The following KCND3 variants were observed in gnomAD, a reference collection of about 807,000 sequenced individuals.
The protein encoded by KCND3 is A-type voltage-gated potassium channel KCND3.
A neutral mutation model predicts 51.1 loss-of-function variants in KCND3; 9 were observed. The ratio of observed to expected loss-of-function variants is 0.18; its 90% CI spans 0.11 to 0.31. The LOEUF (loss-of-function observed/expected upper bound fraction) is 0.31. KCND3 is among the 10% of genes least tolerant of loss of function. The pLI, the probability that KCND3 is intolerant of heterozygous loss-of-function variation, is 1.00. For synonymous variants in KCND3, 349 were observed against 368.0 expected (o/e 0.95, Z 0.59); for missense variants, 526 against 903.8 (o/e 0.58, Z 5.36).
At chr1:111,818,578 C>A (rs1326024120) in intron 2 of KCND3, among the ~76,000 whole-genome samples, 3 of 152,204 alleles carry the variant, frequency 2.0e-5, no homozygotes, top group African/African-American at 7.2e-5. Flanking sequence ...CCTTAGAGAC[C>A]AGGCAATGAA....
Position 111,780,111 on chromosome 1 carries a change from T to C in KCND3, c.1461+114A>G. 2.6e-6 allele frequency: 3 copies of C among 1,150,420 alleles called. No individual in the cohort carries two copies. The South Asian group carries it at 4.0e-5, about 15-fold the overall frequency. The allele number at this position is 1,150,420 out of a possible 1,614,324, so 71.3% of individuals were successfully genotyped here. On this transcript the variant is annotated intron_variant, in intron 5 of 7. Coordinates refer to ENST00000302127, the MANE Select transcript of KCND3 (RefSeq NM_001378969.1). The surrounding 1 kb of genome is among the most constrained non-coding windows in gnomAD (Gnocchi z 4.2). ...GCCAGTAGATCCCATCACTACCTTTTGGATCTGAAGGGGACAGACTTTGAC... is the reference window on the plus strand; with the variant it reads ...GCCAGTAGATCCCATCACTACCTTTCGGATCTGAAGGGGACAGACTTTGAC...
At chr1:111,950,677 G>T (rs1243647511) in intron 2 of KCND3, among the ~76,000 whole-genome samples, 1 of 152,182 alleles carries the variant, frequency 6.6e-6, no homozygotes, top group East Asian at 1.9e-4. Flanking sequence ...GAAATCCTAG[G>T]CAGGAAAGGA....
intron 2 of KCND3, among the ~76,000 whole-genome samples, chr1:111,831,106 C>A (rs1298888142): frequency 6.6e-6 from 1 of 152,238 alleles, no homozygotes; most frequent in African/African-American, 2.4e-5. Context: ...TCCTCTGACA[C>A]CGGCTGTGCT....
chr1:111,854,859 C>A (rs1225244299), intron 2 of KCND3, among the ~76,000 whole-genome samples: 1 of 152,180 alleles, frequency 6.6e-6, no homozygotes, highest in Non-Finnish European at 1.5e-5. Flanking sequence ...TGGTGCCGGG[C>A]TACTCTTTGA....
intron 2 of KCND3, among the ~76,000 whole-genome samples, chr1:111,980,511 C>A (rs185222964): frequency 6.6e-6 from 1 of 152,014 alleles, no homozygotes; most frequent in East Asian, 1.9e-4. Flanking sequence ...AAAATCAAAT[C>A]ACCAGGACAC....
At chr1:111,817,821 T>C (rs2101589523) in intron 2 of KCND3, among the ~76,000 whole-genome samples, 1 of 152,230 alleles carries the variant, frequency 6.6e-6, no homozygotes, top group East Asian at 1.9e-4. Flanking sequence ...AATGATCTAT[T>C]GCGTCAATAT....
In KCND3 at chr1:111,982,729, T is replaced by A; in HGVS notation, c.-3A>T. ...CAGGCCGCAACTCCGGCCGCCATGG[T>A]GACTCCAGCTCTTGGGCCGGCAGCC... On this transcript the variant is annotated 5_prime_UTR_variant, in exon 2 of 8. Transcript: ENST00000302127. The surrounding 1 kb of genome is among the most constrained non-coding windows in gnomAD (Gnocchi z 8.5). 6.2e-7 allele frequency: 1 copy of A among 1,601,816 alleles called. No homozygotes were observed.
chr1:111,835,250 G>A (rs1667019133), intron 2 of KCND3, among the ~76,000 whole-genome samples: 1 of 152,172 alleles, frequency 6.6e-6, no homozygotes, highest in Non-Finnish European at 1.5e-5. Flanking sequence ...GGGTGGGTAG[G>A]CGGTTGGAGG....
At chr1:111,897,521 G>A (rs1457741050) in intron 2 of KCND3, among the ~76,000 whole-genome samples, 1 of 152,234 alleles carries the variant, frequency 6.6e-6, no homozygotes, top group East Asian at 1.9e-4. Flanking sequence ...GGTGTGTGGC[G>A]CCCTGTGAAC....
chr1:111,972,854 T>C (rs2101966712), intron 2 of KCND3, among the ~76,000 whole-genome samples: 1 of 152,384 alleles, frequency 6.6e-6, no homozygotes, highest in South Asian at 2.1e-4. Context: ...GTTTGTTGAA[T>C]TGAATCAAGA....
At chr1:111,818,038 G>A (rs901744000) in intron 2 of KCND3, among the ~76,000 whole-genome samples, 8 of 112,228 alleles carry the variant, frequency 7.1e-5, no homozygotes, top group Admixed American at 1.0e-4. Flanking sequence ...GCACACGCGC[G>A]TGCACACACA....
chr1:111,943,517 A>C (rs1672630874), intron 2 of KCND3, among the ~76,000 whole-genome samples: 2 of 152,242 alleles, frequency 1.3e-5, no homozygotes, highest in Admixed American at 1.3e-4. Flanking sequence ...TCACACAGTA[A>C]GGCAGAAGCA....
intron 2 of KCND3, among the ~76,000 whole-genome samples, chr1:111,958,410 G>A (rs1673449869): frequency 6.6e-6 from 1 of 152,150 alleles, no homozygotes; most frequent in South Asian, 2.1e-4. Context: ...GGGAAGAGTA[G>A]GAAAAGTTGG....
chr1:111,814,872 A>G (rs762573761), intron 2 of KCND3, among the ~76,000 whole-genome samples: 19 of 152,198 alleles, frequency 1.2e-4, no homozygotes, highest in Non-Finnish European at 2.6e-4. Context: ...TTTATCCACC[A>G]GAGTCCCTAG....
chr1:111,971,319 A>AAAAC lies in KCND3; in HGVS notation c.1106+10298_1106+10301dup, dbSNP rs552959602. ...GCAAAAAAAAAAAAAAAAACACCAC[A>AAAAC]AAACAAACAAACAAACAAAAACCCT... On this transcript the variant is annotated intron_variant, in intron 2 of 7. Coordinates refer to ENST00000302127, the MANE Select transcript of KCND3 (RefSeq NM_001378969.1). 2.1e-3 allele frequency among the ~76,000 whole-genome samples: 314 copies of AAAAC among 151,854 alleles called. 1 individual carries two copies. Among genetic ancestry groups the AAAAC allele is most frequent in the African/African-American group, 7.4e-3 (307 of 41,454 alleles).
chr1:111,912,347 T>C (rs1397646485), intron 2 of KCND3, among the ~76,000 whole-genome samples: 2 of 152,246 alleles, frequency 1.3e-5, no homozygotes, highest in East Asian at 3.8e-4. Context: ...TACTCACATG[T>C]TTGTGGTGAT....
intron 2 of KCND3, among the ~76,000 whole-genome samples, chr1:111,838,451 T>A (rs370956177): frequency 8.6e-5 from 13 of 151,396 alleles, no homozygotes; most frequent in East Asian, 3.9e-4. Context: ...AGGTCAGGAG[T>A]TCGAGACCAG....
At position 111,989,632 on chromosome 1, in the gene KCND3, C is replaced by T. The variant is rs1029569926; in HGVS notation, c.-200G>A. ...GGGGAAGCGCCCAGCAGCCGCCGCT[C>T]GCGCGGCTCCTCCTCGCCAGCGCAG... On this transcript the variant is annotated 5_prime_UTR_variant, in exon 1 of 8. Transcript: ENST00000302127. 3.4e-5 allele frequency: 5 copies of T among 148,348 alleles called. No individual in the cohort carries two copies. The highest frequency in any genetic ancestry group is 1.2e-4 in the African/African-American group (5 of 40,988). The allele number at this position is 148,348 out of a possible 1,614,324, so 9.2% of individuals were successfully genotyped here.
At chr1:111,950,010 G>A (rs9429429) in intron 2 of KCND3, among the ~76,000 whole-genome samples, 7,801 of 152,126 alleles carry the variant, frequency 0.051, 665 homozygotes, top group African/African-American at 0.18. Context: ...TCCCGGGTTC[G>A]AGCAGTTCTT....
Sources: allele counts gnomAD v4.1 joint callset (sites outside exome capture counted in the v4.1 genomes callset), GRCh38; gene constraint gnomAD v4.1.1; non-coding constraint Gnocchi (gnomAD v3.1); transcripts MANE v1.5; gene names NCBI Gene and HGNC (gene_info 2026-07-23, HGNC 2026-07-21).